The following FMN2 variants were observed in gnomAD, a reference collection of about 807,000 sequenced individuals.
FMN2 encodes formin 2.
A neutral mutation model predicts 142.3 loss-of-function variants in FMN2; 51 were observed. The observed-to-expected ratio is 0.36, with a 90% CI of 0.29 to 0.45. The LOEUF (loss-of-function observed/expected upper bound fraction) is 0.45. Ranked by LOEUF, FMN2 falls within the 20% of genes least tolerant of loss-of-function variation. The pLI, the probability that FMN2 is intolerant of heterozygous loss-of-function variation, is 1.00. For missense variants in FMN2, 1,936 were observed against 2,122.8 expected (o/e 0.91, Z 1.73); for synonymous variants, 882 against 869.8 (o/e 1.01, Z -0.25).
At chr1:240,444,558 G>A (rs1285364416) in intron 16 of FMN2, among the ~76,000 whole-genome samples, 1 of 152,112 alleles carries the variant, frequency 6.6e-6, no homozygotes. Context: ...ATTTTACTTT[G>A]AGACAGGTAG....
chr1:240,100,672 C>A (rs1661380820), intron 1 of FMN2, among the ~76,000 whole-genome samples: 1 of 152,182 alleles, frequency 6.6e-6, no homozygotes, highest in South Asian at 2.1e-4. Flanking sequence ...TTTATGTCTT[C>A]TTCCTTTGTA....
chr1:240,154,125 A>AAAAAAAAAAAAAAAAAAAAAAAATG (rs1663910560), intron 2 of FMN2, among the ~76,000 whole-genome samples: 1 of 149,148 alleles, frequency 6.7e-6, no homozygotes. Context: ...AAAAAAAAAA[A>AAAAAAAAAAAAAAAAAAAAAAAATG]AAAAAAGTGT....
chr1:240,249,511 T>C (rs765107420), intron 6 of FMN2, among the ~76,000 whole-genome samples: 4 of 152,174 alleles, frequency 2.6e-5, no homozygotes, highest in Non-Finnish European at 4.4e-5. Context: ...CCTTGTAATA[T>C]ATTTTGAGGT....
intron 6 of FMN2, among the ~76,000 whole-genome samples, chr1:240,235,187 A>G (rs75336941): frequency 1.3e-5 from 2 of 152,206 alleles, no homozygotes; most frequent in East Asian, 3.8e-4. Flanking sequence ...GAAGTCTAAG[A>G]TATTGCGATA....
chr1:240,408,222 CGT>C (rs1674277529), intron 15 of FMN2, among the ~76,000 whole-genome samples: 2 of 151,870 alleles, frequency 1.3e-5, no homozygotes, highest in African/African-American at 4.8e-5. Context: ...GGATATTGCA[CGT>C]AAGTTAAAGA....
intron 15 of FMN2, among the ~76,000 whole-genome samples, chr1:240,397,785 CAAAAAAAAA>C (rs35826717): frequency 3.0e-4 from 14 of 46,816 alleles, no homozygotes; most frequent in African/African-American, 5.6e-4. Flanking sequence ...GACTCCTTCT[CAAAAAAAAA>C]AAAAAAAAAA....
chr1:240,245,372 A>C lies in FMN2; in HGVS notation c.4066-12573A>C. ...CCGTACTCTCTGGGAGGAAGTGATG[A>C]GAACTTGCAGCAGGGTGGTGGTAGT... On this transcript the variant is annotated intron_variant, in intron 6 of 17. Transcript: ENST00000319653. 5.0e-6 allele frequency: 2 copies of C among 396,894 alleles called. 1 individual carries two copies. Among genetic ancestry groups the C allele is most frequent in the Admixed American group, 6.0e-5 (2 of 33,478 alleles). 24.6% of individuals were successfully genotyped at this position (396,894 alleles called of 1,614,324 possible). A position where few individuals can be genotyped will look rare whatever the true frequency, so the allele number is the denominator to read the frequency against.
chr1:240,206,048 G>A lies in FMN2; in HGVS notation c.1987-751G>A, dbSNP rs541969751. ...CTCCCAAGTAGCTGGGACTACAGGC[G>A]TGTGCCACCGTGCTCAGCTAATTTT... is the stretch of plus-strand genomic sequence containing the variant. On this transcript the variant is annotated intron_variant, in intron 4 of 17. Coordinates refer to ENST00000319653, the MANE Select transcript of FMN2 (RefSeq NM_020066.5). 6.2e-4 allele frequency among the ~76,000 whole-genome samples: 94 copies of A among 152,054 alleles called. 2 individuals carry two copies. In the South Asian group the frequency reaches 0.018, roughly 30 times the overall value.
chr1:240,397,172 A>G lies in FMN2; in HGVS notation c.4910+4610A>G, dbSNP rs80256083. On this transcript the variant is annotated intron_variant, in intron 15 of 17. Coordinates refer to ENST00000319653, the MANE Select transcript of FMN2 (RefSeq NM_020066.5). ...TCTGACTGGTGTGAGATAGTATCCC[A>G]TGGTGATTTTGATTTGTATTTCTCT... Among the ~76,000 whole-genome samples, 1,177 of 152,258 alleles carry G rather than the reference A, an allele frequency of 7.7e-3. 17 individuals carry two copies. Among genetic ancestry groups the G allele is most frequent in the African/African-American group, 0.027 (1,118 of 41,532 alleles).
chr1:240,352,281 T>C (rs1166904110), intron 13 of FMN2, among the ~76,000 whole-genome samples: 1 of 152,126 alleles, frequency 6.6e-6, no homozygotes, highest in Non-Finnish European at 1.5e-5. Flanking sequence ...AGTTGATCGA[T>C]ATCTGTGTCA....
rs538081678 is a variant in FMN2 at position 240,407,278 on chromosome 1, C to G, written c.4910+14716C>G. 8.5e-5 allele frequency among the ~76,000 whole-genome samples: 13 copies of G among 152,226 alleles called. No homozygotes were observed. The South Asian group carries it at 2.3e-3, about 27-fold the overall frequency. On this transcript the variant is annotated intron_variant, in intron 15 of 17. Coordinates refer to ENST00000319653, the MANE Select transcript of FMN2 (RefSeq NM_020066.5). The stretch of plus-strand genomic sequence containing the variant: ...TCAGCCTCCAGAGTAGCTGCGATTA[C>G]AGGCGCGCGCCACTGCACCAGGCTA...
At chr1:240,171,752 T>C (rs1042360267) in intron 2 of FMN2, among the ~76,000 whole-genome samples, 2 of 152,216 alleles carry the variant, frequency 1.3e-5, no homozygotes, top group African/African-American at 4.8e-5. Context: ...TTTTAGGTGT[T>C]GTTATTTATA....
At chr1:240,188,373 G>C (rs1177059651) in intron 4 of FMN2, 111 bp downstream of exon 4, 1 of 1,092,890 alleles carries the variant, frequency 9.2e-7, no homozygotes, top group Non-Finnish European at 1.4e-6. Flanking sequence ...GGATGCCCTT[G>C]TTTTCCCTAA....
In FMN2 at chr1:240,109,362, C is replaced by T. The variant is rs143006425; in HGVS notation, c.1616-13817C>T. 5.2e-3 allele frequency among the ~76,000 whole-genome samples: 794 copies of T among 152,278 alleles called. 2 individuals carry two copies. Among genetic ancestry groups the T allele is most frequent in the African/African-American group, 0.018 (760 of 41,562 alleles). ...CTGAGTCACTTGATCGTCCTCATGACAATGATTAGTCTTTGGAATGAGTAA... is the reference window on the plus strand; with the variant it reads ...CTGAGTCACTTGATCGTCCTCATGATAATGATTAGTCTTTGGAATGAGTAA... On this transcript the variant is annotated intron_variant, in intron 1 of 17. Coordinates refer to ENST00000319653, the MANE Select transcript of FMN2 (RefSeq NM_020066.5).
At chr1:240,390,441 G>A (rs902202923) in intron 14 of FMN2, among the ~76,000 whole-genome samples, 13 of 152,020 alleles carry the variant, frequency 8.6e-5, no homozygotes, top group African/African-American at 2.9e-4. Context: ...CAGCTGTTTC[G>A]GTGAACATCA....
intron 6 of FMN2, among the ~76,000 whole-genome samples, chr1:240,215,498 T>C (rs1287289657): frequency 6.6e-6 from 1 of 152,194 alleles, no homozygotes. Flanking sequence ...AATTAAGTGA[T>C]AATTATGGAT....
intron 14 of FMN2, among the ~76,000 whole-genome samples, chr1:240,367,582 C>T (rs1395151273): frequency 1.3e-5 from 2 of 151,832 alleles, no homozygotes; most frequent in Non-Finnish European, 2.9e-5. Flanking sequence ...TCCTGGCTAA[C>T]ACGGTGAAAC....
chr1:240,100,911 C>T, intron 1 of FMN2, among the ~76,000 whole-genome samples: 1 of 152,340 alleles, frequency 6.6e-6, no homozygotes, highest in African/African-American at 2.4e-5. Context: ...TTAGGCACTA[C>T]TCAGTTGAGT....
At chr1:240,171,060 A>C in intron 2 of FMN2, 1 of 1,302,004 alleles carries the variant, frequency 7.7e-7, no homozygotes, top group Non-Finnish European at 1.1e-6. Context: ...TAGCTGCTTC[A>C]GGTCAAGAAA....
Sources: allele counts gnomAD v4.1 joint callset (sites outside exome capture counted in the v4.1 genomes callset), GRCh38; gene constraint gnomAD v4.1.1; transcripts MANE v1.5; gene names NCBI Gene and HGNC (gene_info 2026-07-23, HGNC 2026-07-21).